Variants in TRMT11 observed in about 807,000 individuals in gnomAD.
TRMT11 encodes tRNA methyltransferase 11, also known as tRNA (guanine(10)-N(2))-methyltransferase TRMT11.
TRMT11 carries 53 observed loss-of-function variants against 62.8 expected under a neutral mutation model. The observed-to-expected ratio is 0.84, with a 90% CI of 0.68 to 1.06. TRMT11 has a LOEUF of 1.06. Ranked by LOEUF, TRMT11 falls within the 50% of genes least tolerant of loss-of-function variation. TRMT11 has a pLI of 0.00. For missense variants in TRMT11, 556 were observed against 553.4 expected, an observed-to-expected ratio of 1.00 and a Z score of -0.05; for synonymous variants, 188 against 190.3, an observed-to-expected ratio of 0.99 and a Z score of 0.10.
chr6:126,120,372 A>G (rs139572481), intron 21 of TRMT11, among the ~76,000 whole-genome samples: 190 of 152,232 alleles, frequency 1.2e-3, no homozygotes, highest in African/African-American at 4.4e-3. Context: ...GATGATTGCT[A>G]TTTTTATTTA....
intron 17 of TRMT11, among the ~76,000 whole-genome samples, chr6:126,104,038 G>A (rs1777435284): frequency 6.6e-6 from 1 of 152,138 alleles, no homozygotes. Context: ...ATTTCACTTA[G>A]GAAATTAAAA....
chr6:126,154,549 A>G (rs1367848186), intron 21 of TRMT11, among the ~76,000 whole-genome samples: 1 of 152,160 alleles, frequency 6.6e-6, no homozygotes, highest in Non-Finnish European at 1.5e-5. Flanking sequence ...TAGAGGAGAT[A>G]ATGTCATTTC....
the TRMT11 span, chr6:126,257,978 A>G: frequency 2.6e-6 from 4 of 1,558,004 alleles, no homozygotes; most frequent in African/African-American, 1.4e-5. Context: ...CCAGCAGGTC[A>G]GGGATGAAGG....
chr6:126,141,599 T>A (rs1219193171), intron 21 of TRMT11, among the ~76,000 whole-genome samples: 1 of 151,636 alleles, frequency 6.6e-6, no homozygotes, highest in Non-Finnish European at 1.5e-5. Context: ...GGAGATGAGG[T>A]CAAGAACCTG....
intron 8 of TRMT11, among the ~76,000 whole-genome samples, chr6:126,010,657 T>C (rs985077530): frequency 3.9e-5 from 6 of 152,144 alleles, no homozygotes; most frequent in Admixed American, 6.6e-5. Context: ...AAGATTGATA[T>C]ATCTTAAATG....
chr6:126,001,901 G>A (rs1254119591), intron 7 of TRMT11, among the ~76,000 whole-genome samples: 2 of 151,908 alleles, frequency 1.3e-5, no homozygotes, highest in African/African-American at 4.8e-5. Context: ...ATGAACTAAT[G>A]GGTTCTCCTT....
chr6:126,127,891 G>A (rs1354303479), intron 21 of TRMT11, among the ~76,000 whole-genome samples: 1 of 152,040 alleles, frequency 6.6e-6, no homozygotes, highest in African/African-American at 2.4e-5. Context: ...CATTGACAGG[G>A]TGATTGGACC....
the TRMT11 span, among the ~76,000 whole-genome samples, chr6:126,258,686 T>G: frequency 6.6e-6 from 1 of 152,362 alleles, no homozygotes; most frequent in East Asian, 1.9e-4. Flanking sequence ...AATAATTCCT[T>G]ATGTGTCTTT....
the TRMT11 span, chr6:126,258,106 C>T: frequency 2.1e-6 from 2 of 964,832 alleles, no homozygotes; most frequent in Non-Finnish European, 3.4e-6. Context: ...ATCTCCTTTT[C>T]CTGGCAGTCG....
Position 126,011,361 on chromosome 6 carries a change from A to G in TRMT11, c.869A>G (p.Asp290Gly), listed in dbSNP as rs781238788. ...EKYYLDVLVSDASKPSWRKGT... is the reference protein window; with the variant it reads ...EKYYLDVLVSGASKPSWRKGT... Reference sequence around the variant, plus strand: ...TATTACCTTGATGTCCTGGTTTCAGATGCATCTAAACCTTCCTGGAGGAAG... The same window carrying G: ...TATTACCTTGATGTCCTGGTTTCAGGTGCATCTAAACCTTCCTGGAGGAAG... Residue 290 changes from aspartate (D) to glycine (G), a missense_variant, in exon 9 of 13, where the codon GAT (aspartate) becomes GGT (glycine). Transcript: ENST00000334379. 1.2e-5 allele frequency: 19 copies of G among 1,613,304 alleles called. No individual in the cohort carries two copies. Among genetic ancestry groups the G allele is most frequent in the Non-Finnish European group, 1.6e-5 (19 of 1,179,510 alleles).
At chr6:126,272,297 A>G in the TRMT11 span, among the ~76,000 whole-genome samples, 1 of 152,170 alleles carries the variant, frequency 6.6e-6, no homozygotes, top group Non-Finnish European at 1.5e-5. Context: ...TTCTCTGAGT[A>G]TTTATTTTAA....
chr6:126,119,480 TAA>T lies in TRMT11; in HGVS notation c.*1823+3642_*1823+3643del, dbSNP rs56778747. ...CACCATAAGATCCTTTCTTCTTTGA[TAA>T]AAAAAAAAAAAAAAAAGACTAAGAC... On this transcript the variant is annotated intron_variant and NMD_transcript_variant, in intron 21 of 22. Transcript: ENST00000648977. Among the ~76,000 whole-genome samples, 546 of 124,338 alleles carry T rather than the reference TAA, an allele frequency of 4.4e-3. 8 individuals are homozygous for T. The highest frequency in any genetic ancestry group is 0.04 in the South Asian group (146 of 3,656). 81.6% of individuals were successfully genotyped at this position (124,338 alleles called of 152,430 possible).
chr6:126,088,527 A>G (rs1777239381), intron 17 of TRMT11, among the ~76,000 whole-genome samples: 2 of 152,230 alleles, frequency 1.3e-5, no homozygotes, highest in South Asian at 2.1e-4. Flanking sequence ...AAGTGAGTCA[A>G]TCAGTAGCAT....
chr6:126,125,712 C>T (rs1000556385), intron 21 of TRMT11, among the ~76,000 whole-genome samples: 1 of 152,028 alleles, frequency 6.6e-6, no homozygotes. Flanking sequence ...TAAGATCACC[C>T]ATCACCTACC....
intron 21 of TRMT11, among the ~76,000 whole-genome samples, chr6:126,159,961 A>G (rs939153087): frequency 6.6e-6 from 1 of 152,166 alleles, no homozygotes; most frequent in Admixed American, 6.5e-5. Flanking sequence ...AGTGATAAAA[A>G]AAGTGTGAAA....
chr6:126,081,369 T>C (rs1243918711), intron 17 of TRMT11, among the ~76,000 whole-genome samples: 2 of 152,202 alleles, frequency 1.3e-5, no homozygotes, highest in Non-Finnish European at 2.9e-5. Flanking sequence ...TCTTCTATTA[T>C]ACAGTCCACA....
At chr6:126,192,008 A>G (rs571421045) in intron 1 of TRMT11, among the ~76,000 whole-genome samples, 2 of 152,262 alleles carry the variant, frequency 1.3e-5, no homozygotes, top group African/African-American at 2.4e-5. Flanking sequence ...TTTGACAAAA[A>G]TTGTACTGAA....
chr6:126,148,150 A>G (rs758574308), intron 21 of TRMT11, among the ~76,000 whole-genome samples: 2 of 151,884 alleles, frequency 1.3e-5, no homozygotes, highest in Non-Finnish European at 2.9e-5. Context: ...TCTTTCTACC[A>G]CTCCTGGTAT....
the TRMT11 span, among the ~76,000 whole-genome samples, chr6:126,230,232 T>A: frequency 6.6e-6 from 1 of 152,188 alleles, no homozygotes; most frequent in Non-Finnish European, 1.5e-5. Flanking sequence ...CATTTTCCCT[T>A]AACACCCTCT....
Sources: gnomAD v4.1 joint callset for allele counts (sites outside exome capture counted in the v4.1 genomes callset) on GRCh38, gnomAD v4.1.1 for gene constraint, MANE v1.5 for transcripts, NCBI Gene and HGNC (gene_info 2026-07-23, HGNC 2026-07-21) for gene names.